The following ZNF385D variants were observed in gnomAD, a reference collection of about 807,000 sequenced individuals.
The protein encoded by ZNF385D is zinc finger protein 659.
A neutral mutation model predicts 35.8 loss-of-function variants in ZNF385D; 15 were observed. The ratio of observed to expected loss-of-function variants is 0.42; its 90% CI spans 0.28 to 0.64. The LOEUF (loss-of-function observed/expected upper bound fraction) is 0.64, where lower values mean the gene tolerates loss of function less well. ZNF385D is among the 30% of genes least tolerant of loss of function. The pLI is 0.23. For missense variants in ZNF385D, 474 were observed against 494.6 expected (o/e 0.96, Z 0.39); for synonymous variants, 212 against 186.8 (o/e 1.13, Z -1.10).
chr3:21,956,211 T>TGAAA (rs904964783), intron 3 of ZNF385D, among the ~76,000 whole-genome samples: 1 of 147,478 alleles, frequency 6.8e-6, no homozygotes, highest in Non-Finnish European at 1.5e-5. Flanking sequence ...CAAAAAAAAG[T>TGAAA]GAAAGAAAGA....
chr3:21,645,152 C>T (rs80066410), intron 2 of ZNF385D, among the ~76,000 whole-genome samples: 4,135 of 152,276 alleles, frequency 0.027, 86 homozygotes, highest in South Asian at 0.095. Context: ...AAATCATATA[C>T]TATATCAGGT....
chr3:21,649,843 A>T (rs1018059625), intron 2 of ZNF385D, among the ~76,000 whole-genome samples: 5 of 152,182 alleles, frequency 3.3e-5, no homozygotes, highest in African/African-American at 1.2e-4. Context: ...AAATTATTTA[A>T]AGTGTATTGG....
chr3:22,032,390 CTG>C (rs753538424), intron 3 of ZNF385D, among the ~76,000 whole-genome samples: 7 of 152,198 alleles, frequency 4.6e-5, no homozygotes, highest in Non-Finnish European at 1.0e-4. Flanking sequence ...GTAGAGGAAA[CTG>C]TCATTTTACA....
At chr3:22,183,528 T>C (rs1358375956) in intron 2 of ZNF385D, among the ~76,000 whole-genome samples, 2 of 152,096 alleles carry the variant, frequency 1.3e-5, no homozygotes, top group Non-Finnish European at 2.9e-5. Flanking sequence ...CAGCTAATTT[T>C]TGTATTTTTA....
At chr3:21,689,782 G>A (rs1300189984) in intron 1 of ZNF385D, among the ~76,000 whole-genome samples, 1 of 151,682 alleles carries the variant, frequency 6.6e-6, no homozygotes, top group Admixed American at 6.6e-5. Context: ...TCTAAGAATT[G>A]CCCAGGCGAT....
At chr3:21,498,831 T>A (rs1706129478) in intron 4 of ZNF385D, among the ~76,000 whole-genome samples, 1 of 150,426 alleles carries the variant, frequency 6.6e-6, no homozygotes, top group Admixed American at 6.7e-5. Flanking sequence ...TGGTCCCAGC[T>A]ACTTGGGAGG....
In ZNF385D at chr3:22,030,473, GA is replaced by G. The variant is rs1170355950; in HGVS notation, c.325+138343del. 1.4e-4 allele frequency among the ~76,000 whole-genome samples: 21 copies of G among 150,476 alleles called. No individual in the cohort carries two copies. In the East Asian group the frequency reaches 3.2e-3, roughly 23 times the overall value. ...AGGGAGAGAGAGAGGGAGGGAGAGA[GA>G]GAGACACAGAGAGAGAAAGAGAGTG... On this transcript the variant is annotated intron_variant, in intron 3 of 5. Coordinates refer to the ZNF385D transcript ENST00000494108.
chr3:21,701,403 G>C (rs192623502), intron 1 of ZNF385D, among the ~76,000 whole-genome samples: 3 of 152,120 alleles, frequency 2.0e-5, no homozygotes, highest in Admixed American at 2.0e-4. Flanking sequence ...GGAAAGACTG[G>C]GACCCATGAT....
intron 2 of ZNF385D, among the ~76,000 whole-genome samples, chr3:22,215,076 T>C (rs565162746): frequency 1.4e-3 from 216 of 152,024 alleles, no homozygotes; most frequent in Non-Finnish European, 2.5e-3. Context: ...TCAGACCGGC[T>C]GACACTTAAG....
chr3:22,354,810 T>C (rs1391088585), intron 2 of ZNF385D, among the ~76,000 whole-genome samples: 11 of 152,102 alleles, frequency 7.2e-5, no homozygotes, highest in Admixed American at 7.2e-4. Context: ...TCTATGCCTG[T>C]GCTGTTTAAT....
chr3:21,729,376 C>A (rs930278705), intron 1 of ZNF385D, among the ~76,000 whole-genome samples: 1 of 152,082 alleles, frequency 6.6e-6, no homozygotes, highest in African/African-American at 2.4e-5. Flanking sequence ...GATTAAGAAG[C>A]AACATTTATT....
rs548156089 is a variant in ZNF385D, at chr3:22,372,620, A to T, written c.-65T>A. The stretch of plus-strand genomic sequence containing the variant: ...CGCACGGCTGCCCGCCTGCAGCTTC[A>T]ACGGCGGTGGTCGCCGCGAGCCGTG... On this transcript the variant is annotated 5_prime_UTR_variant, in exon 2 of 6. Coordinates refer to the ZNF385D transcript ENST00000494108. 4.8e-6 allele frequency: 3 copies of T among 621,286 alleles called. No homozygotes were observed. In the African/African-American group the frequency reaches 6.0e-5, roughly 12 times the overall value. 38.5% of individuals were successfully genotyped at this position (621,286 alleles called of 1,614,324 possible).
At chr3:21,610,597 C>T (rs1382531710) in intron 2 of ZNF385D, among the ~76,000 whole-genome samples, 1 of 151,866 alleles carries the variant, frequency 6.6e-6, no homozygotes, top group Non-Finnish European at 1.5e-5. Flanking sequence ...GGTGAAACCC[C>T]ATCTCTACTA....
chr3:22,205,185 C>A (rs1697067904), intron 2 of ZNF385D, among the ~76,000 whole-genome samples: 1 of 151,836 alleles, frequency 6.6e-6, no homozygotes, highest in Non-Finnish European at 1.5e-5. Flanking sequence ...TCAGTGGAAA[C>A]TTTAAAGGCC....
chr3:22,255,662 CA>C (rs138136650), intron 2 of ZNF385D, among the ~76,000 whole-genome samples: 9,562 of 147,084 alleles, frequency 0.065, 407 homozygotes, highest in South Asian at 0.18. Flanking sequence ...CATCACATTT[CA>C]AAAAAAAAAT....
chr3:22,066,914 C>A (rs932576906), intron 3 of ZNF385D, among the ~76,000 whole-genome samples: 4 of 152,094 alleles, frequency 2.6e-5, no homozygotes, highest in Non-Finnish European at 5.9e-5. Flanking sequence ...ATCAATGATG[C>A]CTATAATCAG....
At chr3:21,430,879 T>C (rs1701262900) in intron 5 of ZNF385D, among the ~76,000 whole-genome samples, 1 of 152,182 alleles carries the variant, frequency 6.6e-6, no homozygotes, top group Non-Finnish European at 1.5e-5. Context: ...CATAGTATAA[T>C]TGCAACATAA....
intron 3 of ZNF385D, among the ~76,000 whole-genome samples, chr3:22,074,535 C>G (rs992553035): frequency 6.6e-6 from 1 of 151,954 alleles, no homozygotes; most frequent in South Asian, 2.1e-4. Context: ...ATATAAGCAG[C>G]CTGAATGTTT....
intron 3 of ZNF385D, among the ~76,000 whole-genome samples, chr3:21,916,574 C>T (rs1700202365): frequency 6.6e-6 from 1 of 152,170 alleles, no homozygotes; most frequent in South Asian, 2.1e-4. Flanking sequence ...ATTACATATG[C>T]TTTGGCATAA....
Sources: allele counts gnomAD v4.1 joint callset (sites outside exome capture counted in the v4.1 genomes callset), GRCh38; gene constraint gnomAD v4.1.1; transcripts MANE v1.5; gene names NCBI Gene and HGNC (gene_info 2026-07-23, HGNC 2026-07-21).